ESYT3: variants seen among roughly 807,000 people sequenced by gnomAD.
ESYT3 encodes the protein extended synaptotagmin 3, also known as extended synaptotagmin-3.
Under a neutral mutation model 111.5 loss-of-function variants are expected in ESYT3, and 101 were observed. The ratio of observed to expected loss-of-function variants is 0.91; its 90% CI spans 0.77 to 1.07. The LOEUF is 1.07. Ranked by LOEUF, ESYT3 falls within the 50% of genes least tolerant of loss-of-function variation. The pLI, the probability that ESYT3 is intolerant of heterozygous loss-of-function variation, is 0.00. For missense variants in ESYT3, 1,097 were observed against 1,109.4 expected (o/e 0.99, Z 0.16); for synonymous variants, 416 against 446.8 (o/e 0.93, Z 0.87).
chr3:138,435,627 TG>T lies in ESYT3; in HGVS notation c.327+504del, dbSNP rs1379084431. ...GGGGAGGGCTCCGCGGGGCTGGAGG[TG>T]GAGTGGCGGGTACGGCTGGGAGACC... On this transcript the variant is annotated intron_variant, in intron 1 of 22. Transcript: ENST00000389567. This position sits in a 1 kb window ranked among gnomAD's most constrained non-coding sequence, Gnocchi z 4.8. Among the ~76,000 whole-genome samples the T allele has an allele frequency of 1.3e-5, 2 of 151,812 alleles. No homozygotes were observed. Among genetic ancestry groups the T allele is most frequent in the East Asian group, 3.9e-4 (2 of 5,130 alleles).
Position 138,470,129 on chromosome 3 carries a change from G to A in ESYT3, c.1573G>A (p.Glu525Lys). ...FSFFVHNVAT[E>K]RLHLKVLDDD... is the part of the protein sequence containing the mutation. ...CTTCTTTGTGCACAATGTGGCCACT[G>A]AGCGGCTCCATCTGAAGGTTTGATG... Residue 525 changes from glutamate (E) to lysine (K), a missense_variant, in exon 16 of 23, where the codon GAG becomes AAG. Glu to Lys is a moderately conservative substitution (Grantham distance 56). Transcript: ENST00000389567. 2 of 1,612,642 alleles carry A rather than the reference G, an allele frequency of 1.2e-6. No individual in the cohort carries two copies. The highest frequency in any genetic ancestry group is 1.7e-6 in the Non-Finnish European group (2 of 1,179,070).
Position 138,474,275 on chromosome 3 carries a change from G to T in ESYT3, c.2391G>T (p.Leu797Phe). The T allele has an allele frequency of 6.2e-7, 1 of 1,611,422 alleles. No individual in the cohort carries two copies. The highest frequency in any genetic ancestry group is 8.5e-7 in the Non-Finnish European group (1 of 1,178,956). The change falls in exon 20 of 23, where the codon TTG (leucine) becomes TTT (phenylalanine). Residue 797 changes from leucine (L) to phenylalanine (F), a missense_variant. Coordinates refer to ENST00000389567, the MANE Select transcript of ESYT3 (RefSeq NM_031913.5). ...CTGATCCCTACGTCCGTGTCTACTTGTTGCCAGAAAGGAAGTGGGCATGTC... is the reference window on the plus strand; with the variant it reads ...CTGATCCCTACGTCCGTGTCTACTTTTTGCCAGAAAGGAAGTGGGCATGTC... The part of the protein sequence containing the change: ...SGADPYVRVY[L>F]LPERKWACRK...
downstream of ESYT3, chr3:138,480,485 ATAATC>A (rs1173601605): frequency 6.6e-6 from 1 of 152,250 alleles, no homozygotes; most frequent in Non-Finnish European, 1.5e-5. Flanking sequence ...GAAATCCAAG[ATAATC>A]TAAATTGCTA....
rs771684163 is a variant in ESYT3, at chr3:138,464,504, G to A, written c.1075G>A (p.Glu359Lys). Residue 359 changes from glutamate to lysine, a missense_variant, in exon 9 of 23, where the codon GAA becomes AAA. Physicochemically the swap from Glu to Lys is moderately conservative, Grantham distance 56. Coordinates refer to ENST00000389567, the MANE Select transcript of ESYT3 (RefSeq NM_031913.5). ...CAGGAACCTGAACCCCACCTGGAAC[G>A]AAGTGTTTGAGGTAAGGGTCTCCTT... ...IYRNLNPTWN[E>K]VFEFMVYEVP... The A allele has an allele frequency of 4.3e-6, 7 of 1,614,046 alleles. No individual in the cohort carries two copies. The highest frequency in any genetic ancestry group is 5.9e-6 in the Non-Finnish European group (7 of 1,179,972).
intron 1 of ESYT3, among the ~76,000 whole-genome samples, chr3:138,442,729 C>T (rs752088178): frequency 1.8e-3 from 275 of 152,342 alleles, no homozygotes; most frequent in Non-Finnish European, 2.1e-3. Context: ...CAGCTGCTAG[C>T]TCAGTGCCCA....
intron 1 of ESYT3, among the ~76,000 whole-genome samples, chr3:138,444,418 C>T (rs966597866): frequency 6.6e-6 from 1 of 152,178 alleles, no homozygotes; most frequent in African/African-American, 2.4e-5. Context: ...AATGTTCTCA[C>T]CTATAATACA....
intron 3 of ESYT3, 121 bp downstream of exon 3, chr3:138,455,449 A>G (rs2032217447): frequency 1.9e-6 from 2 of 1,039,810 alleles, no homozygotes; most frequent in African/African-American, 1.9e-5. Context: ...ACTGGACCTT[A>G]CAGGGGGACA....
chr3:138,457,492 A>G, intron 3 of ESYT3, 76 bp from the exon 4 acceptor site: 1 of 1,321,940 alleles, frequency 7.6e-7, no homozygotes, highest in East Asian at 2.3e-5. Flanking sequence ...GACAAAGCCC[A>G]GTGCCGGGGG....
At chr3:138,448,546 C>T (rs2031712562) in intron 1 of ESYT3, among the ~76,000 whole-genome samples, 1 of 152,014 alleles carries the variant, frequency 6.6e-6, no homozygotes, top group Admixed American at 6.6e-5. Context: ...GTATCTTTGT[C>T]TCACCTTATG....
intron 5 of ESYT3, 21 bp downstream of exon 5, chr3:138,459,274 C>G: frequency 6.5e-7 from 1 of 1,534,106 alleles, no homozygotes; most frequent in African/African-American, 1.4e-5. Context: ...CCCGGTGGGG[C>G]TGCCTCTGTT....
intron 22 of ESYT3, 113 bp from the exon 23 acceptor site, chr3:138,476,705 G>A: frequency 8.4e-7 from 1 of 1,188,632 alleles, no homozygotes; most frequent in Non-Finnish European, 1.2e-6. Flanking sequence ...CTTACAGAGA[G>A]ACAGGTTCTG....
At chr3:138,480,667 T>C (rs964105816), downstream of ESYT3, 18 of 152,322 alleles carry the variant, frequency 1.2e-4, no homozygotes, top group African/African-American at 3.4e-4. Context: ...AAACCTAAAA[T>C]GGAGAGCTAT....
chr3:138,467,418 C>T lies in ESYT3; in HGVS notation c.1170-143C>T, dbSNP rs547916325. Reference sequence around the variant, plus strand: ...TTCCTTCACTCGAGCTGATGGTGGTCTCCCATTGGTTCCTTGGGGTAAGAT... The same window carrying T: ...TTCCTTCACTCGAGCTGATGGTGGTTTCCCATTGGTTCCTTGGGGTAAGAT... On this transcript the variant is annotated intron_variant, in intron 10 of 22. Transcript: ENST00000389567. 3.8e-6 allele frequency: 3 copies of T among 799,698 alleles called. No homozygotes were observed. The Admixed American group carries it at 5.7e-5, about 15-fold the overall frequency. 49.5% of individuals were successfully genotyped at this position (799,698 alleles called of 1,614,324 possible).
intron 1 of ESYT3, among the ~76,000 whole-genome samples, chr3:138,449,246 A>T (rs1470383675): frequency 6.6e-6 from 1 of 151,312 alleles, no homozygotes; most frequent in Non-Finnish European, 1.5e-5. Context: ...CACCATGCCC[A>T]CCTAATTTTT....
chr3:138,458,274 G>A (rs1367207241), intron 4 of ESYT3, among the ~76,000 whole-genome samples: 2 of 152,224 alleles, frequency 1.3e-5, no homozygotes, highest in Non-Finnish European at 2.9e-5. Flanking sequence ...GAAGATAGGA[G>A]CTAGTTCTTC....
At chr3:138,462,437 A>G (rs955191795) in intron 8 of ESYT3, 21 of 580,354 alleles carry the variant, frequency 3.6e-5, no homozygotes, top group African/African-American at 2.6e-4. Context: ...TACTTGGAAT[A>G]TTTCCTCTGT....
chr3:138,444,159 C>T (rs779695826), intron 1 of ESYT3, among the ~76,000 whole-genome samples: 1 of 152,230 alleles, frequency 6.6e-6, no homozygotes, highest in African/African-American at 2.4e-5. Flanking sequence ...CCACTACTCC[C>T]TTGAAAATGC....
chr3:138,450,167 G>A (rs2031829936), intron 1 of ESYT3, among the ~76,000 whole-genome samples: 1 of 152,240 alleles, frequency 6.6e-6, no homozygotes, highest in Non-Finnish European at 1.5e-5. Context: ...AACAGAAAAG[G>A]TAAAGGTGGT....
At chr3:138,461,979 G>A in intron 7 of ESYT3, 107 bp from the exon 8 acceptor site, 1 of 1,543,656 alleles carries the variant, frequency 6.5e-7, no homozygotes, top group Non-Finnish European at 8.8e-7. Flanking sequence ...CTCTAGGTGG[G>A]GCCCACCCTA....
Sources: allele counts gnomAD v4.1 joint callset (sites outside exome capture counted in the v4.1 genomes callset), GRCh38; gene constraint gnomAD v4.1.1; non-coding constraint Gnocchi (gnomAD v3.1); transcripts MANE v1.5; gene names NCBI Gene and HGNC (gene_info 2026-07-23, HGNC 2026-07-21).